The following RDH13 variants were observed in gnomAD, a reference collection of about 807,000 sequenced individuals.
The protein encoded by RDH13 is retinol dehydrogenase 13.
A neutral mutation model predicts 28.3 loss-of-function variants in RDH13; 35 were observed. The observed-to-expected ratio is 1.24, with a 90% confidence interval of 0.95 to 1.64. RDH13 has a LOEUF of 1.64. Ranked by LOEUF, RDH13 falls within the 40% of genes most tolerant of loss-of-function variation. The pLI is 0.00. For missense variants in RDH13, 514 were observed against 446.3 expected (o/e 1.15, Z -1.37); for synonymous variants, 229 against 198.5 (o/e 1.15, Z -1.29).
In RDH13 at chr19:55,048,517, AG is replaced by A; in HGVS notation, c.469del (p.Leu157CysfsTer5). On this transcript the variant is annotated frameshift_variant, in exon 5 of 7. Transcript: ENST00000415061. LOFTEE classifies it high-confidence loss of function. ...GGCTGAGGCTTTCAGCTTGTCCAGC[AG>A]CAAGTTTGTCAAGAGAAAGTGACCT... ...HLGHFLLTNLLLDKLKASAPS... is the reference protein window; with the variant it reads ...HLGHFLLTNLXLDKLKASAPS... 1 of 1,614,206 alleles carries A rather than the reference AG, an allele frequency of 6.2e-7. No homozygotes were observed. Among genetic ancestry groups the A allele is most frequent in the African/African-American group, 1.3e-5 (1 of 75,054 alleles).
At position 55,047,157 on chromosome 19, in the gene RDH13, C is replaced by G; in HGVS notation, c.760+230G>C. The stretch of plus-strand genomic sequence containing the variant: ...AGCTCCACGGCCTCTTCCTCTGAGA[C>G]ACGGTTTTCTCATCCGCCAGCAGGG... On this transcript the variant is annotated intron_variant, in intron 6 of 6. Coordinates refer to ENST00000415061, the MANE Select transcript of RDH13 (RefSeq NM_001145971.2). 3.6e-6 allele frequency: 5 copies of G among 1,400,812 alleles called. No individual in the cohort carries two copies. The South Asian group carries it at 8.2e-5, about 23-fold the overall frequency. The allele number at this position is 1,400,812 out of a possible 1,614,324, so 86.8% of individuals were successfully genotyped here.
Position 55,062,986 on chromosome 19 carries a change from C to T in RDH13, c.47G>A (p.Gly16Asp), listed in dbSNP as rs745561633. 6.8e-7 allele frequency: 1 copy of T among 1,476,756 alleles called. No homozygotes were observed. Among genetic ancestry groups the T allele is most frequent in the Non-Finnish European group, 9.0e-7 (1 of 1,115,996 alleles). The allele number at this position is 1,476,756 out of a possible 1,614,324, so 91.5% of individuals were successfully genotyped here. ...TACTCACTTGAGCAGCACGGCGGCGCCTGCTACCGTGCCCAGCGCCGACAG... is the reference window on the plus strand; with the variant it reads ...TACTCACTTGAGCAGCACGGCGGCGTCTGCTACCGTGCCCAGCGCCGACAG... ...LPLSALGTVA[G>D]AAVLLKDYVT... The change falls in exon 1 of 7, where the codon GGC (glycine) becomes GAC (aspartate). Residue 16 changes from glycine to aspartate, a missense_variant. Coordinates refer to ENST00000415061, the MANE Select transcript of RDH13 (RefSeq NM_001145971.2).
intron 3 of RDH13, chr19:55,053,778 CCTCA>C (rs534138119): frequency 1.6e-4 from 24 of 152,268 alleles, no homozygotes; most frequent in African/African-American, 5.5e-4. Context: ...CAGCCGGGGT[CCTCA>C]CTGTCTCAGG....
chr19:55,055,180 TCTCA>T (rs995015704), intron 3 of RDH13, among the ~76,000 whole-genome samples: 2 of 151,946 alleles, frequency 1.3e-5, no homozygotes, highest in African/African-American at 4.8e-5. Context: ...TGAGACAGAG[TCTCA>T]CTCTGTCACC....
intron 3 of RDH13, among the ~76,000 whole-genome samples, chr19:55,053,267 C>A (rs2075516315): frequency 6.6e-6 from 1 of 152,336 alleles, no homozygotes; most frequent in African/African-American, 2.4e-5. Context: ...ATTTTTAAAT[C>A]CACTGCTGTC....
At chr19:55,065,138 C>A (rs1747003402), upstream of RDH13, among the ~76,000 whole-genome samples, 1 of 151,144 alleles carries the variant, frequency 6.6e-6, no homozygotes, top group South Asian at 2.1e-4. Context: ...GTAATCCCAG[C>A]ACTTTGGGAG....
intron 3 of RDH13, 126 bp downstream of exon 3, chr19:55,056,527 T>C: frequency 1.7e-6 from 2 of 1,197,546 alleles, no homozygotes; most frequent in Non-Finnish European, 2.3e-6. Context: ...GCAACTGGAC[T>C]TGGCCCCTAA....
In RDH13 at chr19:55,048,493, G is replaced by C; in HGVS notation, c.494C>G (p.Ala165Gly). 6.2e-7 allele frequency: 1 copy of C among 1,614,226 alleles called. No individual in the cohort carries two copies. The highest frequency in any genetic ancestry group is 1.1e-5 in the South Asian group (1 of 91,086). Residue 165 changes from alanine to glycine, a missense_variant, in exon 5 of 7, where the codon GCC becomes GGC. Coordinates refer to ENST00000415061, the MANE Select transcript of RDH13 (RefSeq NM_001145971.2). The part of the protein sequence containing the change: ...NLLLDKLKAS[A>G]PSRIINLSSL... ...CGAGAGGTTGATGATCCGCGAAGGG[G>C]CTGAGGCTTTCAGCTTGTCCAGCAG...
At chr19:55,053,528 C>A (rs1055005615) in intron 3 of RDH13, among the ~76,000 whole-genome samples, 1 of 151,850 alleles carries the variant, frequency 6.6e-6, no homozygotes, top group African/African-American at 2.4e-5. Context: ...TGGTGGCAGG[C>A]GCCTGTAGTC....
chr19:55,056,655 T>A lies in RDH13; in HGVS notation c.338A>T (p.Glu113Val). The A allele has an allele frequency of 6.2e-7, 1 of 1,613,916 alleles. No individual in the cohort carries two copies. Among genetic ancestry groups the A allele is most frequent in the African/African-American group, 1.3e-5 (1 of 74,970 alleles). ...CCACATGGCCAGCGTTCTCCTACCT[T>A]CAATGATCTTTGCTGCAAACTCTCG... ...SIREFAAKII[E>V]EEERVDILIN... Residue 113 changes from glutamate (E) to valine (V), a missense_variant and splice_region_variant, in exon 3 of 7, where the codon GAA becomes GTA. Physicochemically the swap from Glu to Val is moderately radical, Grantham distance 121 (BLOSUM62 -2). Coordinates refer to ENST00000415061, the MANE Select transcript of RDH13 (RefSeq NM_001145971.2).
chr19:55,057,371 G>A lies in RDH13; in HGVS notation c.185-563C>T, dbSNP rs143394486. On this transcript the variant is annotated intron_variant, in intron 2 of 6. Coordinates refer to ENST00000415061, the MANE Select transcript of RDH13 (RefSeq NM_001145971.2). ...AAACATCACTGAATTGGTCGGGCAC[G>A]GTGGCTCACACCTGTAATTCCAGCA... Among the ~76,000 whole-genome samples the A allele has an allele frequency of 3.1e-3, 476 of 151,784 alleles. 4 individuals carry two copies. Among genetic ancestry groups the A allele is most frequent in the Admixed American group, 5.5e-3 (84 of 15,230 alleles).
At chr19:55,056,915 C>A in intron 2 of RDH13, 107 bp from the exon 3 acceptor site, 1 of 984,800 alleles carries the variant, frequency 1.0e-6, no homozygotes, top group South Asian at 1.7e-5. Flanking sequence ...CACCAATGTT[C>A]ACTGCGGCAT....
At position 55,059,587 on chromosome 19, in the gene RDH13, G is replaced by C. The variant is rs907532634; in HGVS notation, c.66-312C>G. ...TTTGGGAGGCCAAAGTTTTGGGGGT[G>C]GGGGGGGGCGGGGGCGGATCACTTG... is the stretch of plus-strand genomic sequence containing the variant. On this transcript the variant is annotated intron_variant, in intron 1 of 6. Transcript: ENST00000415061. 4.6e-5 allele frequency among the ~76,000 whole-genome samples: 5 copies of C among 107,876 alleles called. No individual in the cohort carries two copies. In the East Asian group the frequency reaches 6.2e-4, roughly 13 times the overall value. 70.8% of individuals were successfully genotyped at this position (107,876 alleles called of 152,430 possible).
downstream of RDH13, chr19:55,042,921 G>A (rs1273163536): frequency 6.6e-6 from 1 of 152,222 alleles, no homozygotes; most frequent in Non-Finnish European, 1.5e-5. Flanking sequence ...CATCACAGAG[G>A]TCAGTTTTGT....
chr19:55,047,556 C>A, intron 5 of RDH13, 68 bp from the exon 6 acceptor site: 1 of 1,528,904 alleles, frequency 6.5e-7, no homozygotes, highest in Admixed American at 2.0e-5. Context: ...TGGCAGCCCA[C>A]ACCCAGCTGT....
At chr19:55,053,941 GAC>G (rs1039715317) in intron 3 of RDH13, 4 of 152,240 alleles carry the variant, frequency 2.6e-5, no homozygotes, top group Non-Finnish European at 5.9e-5. Context: ...CCACCTCTGA[GAC>G]TCTGAGGCAT....
At chr19:55,064,849 G>A (rs2075926972), upstream of RDH13, among the ~76,000 whole-genome samples, 1 of 149,764 alleles carries the variant, frequency 6.7e-6, no homozygotes, top group African/African-American at 2.4e-5. Context: ...CTGACCTCAG[G>A]TGATCCACCT....
rs138216765 is a variant in RDH13 at position 55,058,823 on chromosome 19, G to A, written c.184+334C>T. Reference sequence around the variant, plus strand: ...AGCCTCCCAAGCAGCTGGGACTACAGGTGCCCACCACAACTCCTGGCTAAT... The same window carrying A: ...AGCCTCCCAAGCAGCTGGGACTACAAGTGCCCACCACAACTCCTGGCTAAT... On this transcript the variant is annotated intron_variant, in intron 2 of 6. Transcript: ENST00000415061. Among the ~76,000 whole-genome samples, 120 of 152,296 alleles carry A rather than the reference G, an allele frequency of 7.9e-4. 1 individual carries two copies. Among genetic ancestry groups the A allele is most frequent in the African/African-American group, 2.7e-3 (114 of 41,570 alleles).
chr19:55,059,945 A>G (rs1256693640), intron 1 of RDH13, among the ~76,000 whole-genome samples: 1 of 152,212 alleles, frequency 6.6e-6, no homozygotes, highest in African/African-American at 2.4e-5. Context: ...TATACTTGGT[A>G]AAAGTCATCG....
Sources: gnomAD v4.1 joint callset for allele counts (sites outside exome capture counted in the v4.1 genomes callset) on GRCh38, gnomAD v4.1.1 for gene constraint, MANE v1.5 for transcripts, NCBI Gene and HGNC (gene_info 2026-07-23, HGNC 2026-07-21) for gene names.